CYP3A7: variants seen among roughly 807,000 people sequenced by gnomAD.
CYP3A7 encodes the protein cytochrome P450 family 3 subfamily A member 7.
In CYP3A7, 45 loss-of-function variants were observed where a neutral mutation model predicts 55.2. That is an observed-to-expected ratio of 0.82 (90% CI 0.64 to 1.05). The LOEUF is 1.05. Ranked by LOEUF, CYP3A7 falls within the 50% of genes least tolerant of loss-of-function variation. CYP3A7 has a pLI of 0.00. For missense variants in CYP3A7, 548 were observed against 605.3 expected (o/e 0.91, Z 0.99); for synonymous variants, 180 against 207.4 (o/e 0.87, Z 1.13).
rs777729832 is a variant in CYP3A7 at position 99,715,853 on chromosome 7, C to T, written c.575G>A (p.Ser192Asn). 5.4e-5 allele frequency: 87 copies of T among 1,613,920 alleles called. 1 individual carries two copies. In the African/African-American group the frequency reaches 6.7e-4, roughly 12 times the overall value. Residue 192 changes from serine (S) to asparagine (N), a missense_variant, in exon 7 of 13, where the codon AGC becomes AAC. Transcript: ENST00000336374. ...DVITSTSFGV[S>N]IDSLNNPQDP... ...TTGTGGATTGTTGAGAGAGTCGATG[C>T]TCACTCCAAATGATGTGCTAGTGAT...
At chr7:99,710,961 A>C in intron 9 of CYP3A7, 69 bp from the exon 10 acceptor site, 1 of 1,610,134 alleles carries the variant, frequency 6.2e-7, no homozygotes, top group Admixed American at 1.7e-5. Context: ...AGATGAAAAG[A>C]AATCTAAGTG....
intron 1 of CYP3A7, among the ~76,000 whole-genome samples, chr7:99,731,787 G>C (rs1814636936): frequency 6.6e-6 from 1 of 152,034 alleles, no homozygotes; most frequent in Non-Finnish European, 1.5e-5. Context: ...TGACAACTGT[G>C]CTCCAGGCTT....
chr7:99,708,874 T>C (rs966318515), intron 11 of CYP3A7, among the ~76,000 whole-genome samples, 161 bp downstream of exon 11: 12 of 152,144 alleles, frequency 7.9e-5, no homozygotes, highest in African/African-American at 2.9e-4. Context: ...TAGTCTGTGG[T>C]TTGTAAAGTG....
At chr7:99,718,782 GAA>G (rs1428369353) in intron 4 of CYP3A7, among the ~76,000 whole-genome samples, 1 of 152,236 alleles carries the variant, frequency 6.6e-6, no homozygotes, top group Non-Finnish European at 1.5e-5. Flanking sequence ...AAGACTTCTA[GAA>G]ATACTAAGTC....
chr7:99,731,250 G>A (rs950645550), intron 1 of CYP3A7, 98 bp from the exon 2 acceptor site: 2 of 1,381,618 alleles, frequency 1.4e-6, no homozygotes, highest in African/African-American at 2.9e-5. Context: ...ATCAGGCAAA[G>A]GAGGTAACAT....
chr7:99,724,922 G>T (rs995988949), intron 2 of CYP3A7, among the ~76,000 whole-genome samples: 1 of 152,056 alleles, frequency 6.6e-6, no homozygotes, highest in Non-Finnish European at 1.5e-5. Flanking sequence ...CCTCTCCCCA[G>T]ATGAGCAGGA....
chr7:99,709,699 A>G (rs943021194), intron 10 of CYP3A7, among the ~76,000 whole-genome samples: 5 of 152,200 alleles, frequency 3.3e-5, no homozygotes, highest in African/African-American at 1.2e-4. Flanking sequence ...ATTATTGGCC[A>G]AACTTCTGGT....
At position 99,709,083 on chromosome 7, in the gene CYP3A7, TGAA is replaced by T. The variant is rs757606857; in HGVS notation, c.1202_1204del (p.Leu401del). 294 of 1,613,880 alleles carry T rather than the reference TGAA, an allele frequency of 1.8e-4. No homozygotes were observed. The highest frequency in any genetic ancestry group is 2.3e-4 in the Non-Finnish European group (276 of 1,179,952). Reference sequence around the variant, plus strand: ...CTCTGTCCAGTACTTTGGGTCATGATGAAGAACATAGCTTGGAATCATCACCAC... The same window carrying T: ...CTCTGTCCAGTACTTTGGGTCATGATGAACATAGCTTGGAATCATCACCAC... On this transcript the variant is annotated inframe_deletion, in exon 11 of 13. Coordinates refer to ENST00000336374, the MANE Select transcript of CYP3A7 (RefSeq NM_000765.5).
At chr7:99,719,947 A>C (rs1329508287) in intron 4 of CYP3A7, among the ~76,000 whole-genome samples, 1 of 152,224 alleles carries the variant, frequency 6.6e-6, no homozygotes, top group East Asian at 1.9e-4. Flanking sequence ...CAGTGAGCCA[A>C]GACCACACCA....
intron 3 of CYP3A7, 122 bp from the exon 4 acceptor site, chr7:99,720,534 A>T (rs1364068382): frequency 6.5e-6 from 7 of 1,083,646 alleles, no homozygotes; most frequent in Non-Finnish European, 9.6e-6. Flanking sequence ...AATACACAGT[A>T]ATCTTAAGTT....
intron 2 of CYP3A7, among the ~76,000 whole-genome samples, chr7:99,722,716 G>A (rs943613420): frequency 3.3e-5 from 5 of 152,194 alleles, no homozygotes; most frequent in African/African-American, 1.2e-4. Context: ...CTGAGGGAAT[G>A]TGAGTGAGCG....
At chr7:99,727,305 C>A (rs1034325053) in intron 2 of CYP3A7, among the ~76,000 whole-genome samples, 3 of 152,230 alleles carry the variant, frequency 2.0e-5, no homozygotes, top group Admixed American at 2.0e-4. Context: ...TGCCACCACC[C>A]TAATACTTTT....
At chr7:99,717,486 T>C in intron 5 of CYP3A7, 40 bp downstream of exon 5, 1 of 1,610,848 alleles carries the variant, frequency 6.2e-7, no homozygotes, top group Non-Finnish European at 8.5e-7. Flanking sequence ...ACCTGATTCA[T>C]TCTTTAAGTT....
In CYP3A7 at chr7:99,710,912, A is replaced by C. The variant is rs1337996832; in HGVS notation, c.866-20T>G. The C allele has an allele frequency of 5.0e-6, 8 of 1,613,376 alleles. No individual in the cohort carries two copies. Among genetic ancestry groups the C allele is most frequent in the Non-Finnish European group, 6.8e-6 (8 of 1,179,620 alleles). On this transcript the variant is annotated intron_variant, in intron 9 of 12. Transcript: ENST00000336374. The stretch of plus-strand genomic sequence containing the variant: ...ACAGAGCTGAAAGGAGAGAAAAGAC[A>C]TTTTAGGTAAATCAGGTCAATGTAG...
intron 10 of CYP3A7, among the ~76,000 whole-genome samples, chr7:99,709,579 C>T (rs1305619888): frequency 6.6e-6 from 1 of 152,042 alleles, no homozygotes; most frequent in African/African-American, 2.4e-5. Context: ...TGACCACTAG[C>T]ATCAAATAAA....
In CYP3A7 at chr7:99,717,482, T is replaced by G. The variant is rs1371451222; in HGVS notation, c.432+44A>C. Reference sequence around the variant, plus strand: ...TTACTTTCTACCTGTCCCCACCTGATTCATTCTTTAAGTTTCTAATTAAAA... The same window carrying G: ...TTACTTTCTACCTGTCCCCACCTGAGTCATTCTTTAAGTTTCTAATTAAAA... On this transcript the variant is annotated intron_variant, in intron 5 of 12. Transcript: ENST00000336374. 3.7e-6 allele frequency: 6 copies of G among 1,610,072 alleles called. No homozygotes were observed. In the South Asian group the frequency reaches 6.6e-5, roughly 18 times the overall value.
chr7:99,713,744 T>C (rs1269434437), intron 8 of CYP3A7, among the ~76,000 whole-genome samples: 1 of 152,160 alleles, frequency 6.6e-6, no homozygotes, highest in Non-Finnish European at 1.5e-5. Flanking sequence ...CTGGCTAAAA[T>C]GTTCAATTGC....
intron 9 of CYP3A7, among the ~76,000 whole-genome samples, chr7:99,711,832 A>G (rs1367730491): frequency 1.3e-5 from 2 of 152,174 alleles, no homozygotes. Context: ...AAACCCCACC[A>G]TTGAACTACT....
intron 2 of CYP3A7, among the ~76,000 whole-genome samples, chr7:99,724,232 G>A (rs951534998): frequency 3.9e-5 from 6 of 152,132 alleles, no homozygotes; most frequent in Admixed American, 1.3e-4. Flanking sequence ...ACTAACACCT[G>A]ACCTAAAACC....
Sources: gnomAD v4.1 joint callset for allele counts (sites outside exome capture counted in the v4.1 genomes callset) on GRCh38, gnomAD v4.1.1 for gene constraint, MANE v1.5 for transcripts, NCBI Gene and HGNC (gene_info 2026-07-23, HGNC 2026-07-21) for gene names.